PTPRE: variants seen among roughly 807,000 people sequenced by gnomAD.
PTPRE encodes receptor-type tyrosine-protein phosphatase epsilon.
Under a neutral mutation model 102.0 loss-of-function variants are expected in PTPRE, and 51 were observed. The observed-to-expected ratio is 0.50, with a 90% confidence interval of 0.40 to 0.63. The LOEUF (loss-of-function observed/expected upper bound fraction) is 0.63. Ranked by LOEUF, PTPRE falls within the 30% of genes least tolerant of loss-of-function variation. PTPRE has a pLI of 0.00. For missense variants in PTPRE, 752 were observed against 915.1 expected (o/e 0.82, Z 2.30); for synonymous variants, 345 against 348.2 (o/e 0.99, Z 0.10).
In PTPRE at chr10:127,907,356, T is replaced by G. The variant is rs1589700174; in HGVS notation, c.-31+47T>G. 2.0e-6 allele frequency: 2 copies of G among 983,478 alleles called. No homozygotes were observed. The highest frequency in any genetic ancestry group is 3.5e-5 in the African/African-American group (2 of 56,856). 60.9% of individuals were successfully genotyped at this position (983,478 alleles called of 1,614,324 possible). On this transcript the variant is annotated intron_variant, in intron 1 of 20. Transcript: ENST00000254667. This position sits in a 1 kb window ranked among gnomAD's most constrained non-coding sequence, Gnocchi z 4.8. ...GACCCTGCGCCCCTGTGGGGAACTG[T>G]GCACCCCGGGAGGCCCAAGCAGGCC...
intron 2 of PTPRE, among the ~76,000 whole-genome samples, chr10:128,034,996 G>A (rs1847093243): frequency 6.6e-6 from 1 of 152,064 alleles, no homozygotes; most frequent in Non-Finnish European, 1.5e-5. Flanking sequence ...TGTTGTTGTT[G>A]TTGTTGACAC....
chr10:128,082,736 C>G lies in PTPRE; in HGVS notation c.2029-96C>G, dbSNP rs1851833488. 3 of 1,370,968 alleles carry G rather than the reference C, an allele frequency of 2.2e-6. No individual in the cohort carries two copies. In the African/African-American group the frequency reaches 4.5e-5, roughly 21 times the overall value. The allele number at this position is 1,370,968 out of a possible 1,614,324, so 84.9% of individuals were successfully genotyped here. A position where few individuals can be genotyped will look rare whatever the true frequency, so the allele number is the denominator to read the frequency against. On this transcript the variant is annotated intron_variant, in intron 20 of 20. Transcript: ENST00000254667. Reference sequence around the variant, plus strand: ...GGTATATGGTATTTTAATGAATAGTCACACTTATTTATGTCTTGTTTTTGA... The same window carrying G: ...GGTATATGGTATTTTAATGAATAGTGACACTTATTTATGTCTTGTTTTTGA...
chr10:128,079,468 A>T, intron 19 of PTPRE, 92 bp from the exon 20 acceptor site: 1 of 1,463,668 alleles, frequency 6.8e-7, no homozygotes. Flanking sequence ...TTGTTGCTTC[A>T]GTGCTGATAT....
chr10:128,053,906 G>A lies in PTPRE; in HGVS notation c.421-2217G>A, dbSNP rs148094191. Among the ~76,000 whole-genome samples, 397 of 152,020 alleles carry A rather than the reference G, an allele frequency of 2.6e-3. 2 individuals are homozygous for A. The highest frequency in any genetic ancestry group is 8.3e-3 in the African/African-American group (343 of 41,448). On this transcript the variant is annotated intron_variant, in intron 6 of 20. Coordinates refer to ENST00000254667, the MANE Select transcript of PTPRE (RefSeq NM_006504.6). ...CTCCCAAGTAGCTGAGATTACAGGCGCCCACCACCATGCCCAGCTAATTTT... is the reference window on the plus strand; with the variant it reads ...CTCCCAAGTAGCTGAGATTACAGGCACCCACCACCATGCCCAGCTAATTTT...
intron 2 of PTPRE, among the ~76,000 whole-genome samples, chr10:128,019,636 T>TCCA (rs879279484): frequency 0.011 from 1,623 of 150,198 alleles, 34 homozygotes; most frequent in African/African-American, 0.038. Flanking sequence ...TGTCAGCCCA[T>TCCA]TCATTCATTC....
chr10:128,030,889 A>G (rs536243663), intron 2 of PTPRE, among the ~76,000 whole-genome samples: 71 of 152,254 alleles, frequency 4.7e-4, no homozygotes, highest in Non-Finnish European at 8.2e-4. Flanking sequence ...AGACCCCTCT[A>G]GACAGGGGCA....
intron 2 of PTPRE, among the ~76,000 whole-genome samples, chr10:128,038,599 T>C (rs890719077): frequency 2.2e-5 from 3 of 138,180 alleles, no homozygotes; most frequent in Admixed American, 8.1e-5. Flanking sequence ...TAGGTGGGAA[T>C]TGAACAATGA....
intron 1 of PTPRE, among the ~76,000 whole-genome samples, chr10:127,976,002 C>T (rs554678790): frequency 7.2e-5 from 11 of 151,992 alleles, no homozygotes; most frequent in South Asian, 2.1e-4. Context: ...GGGTGCTTGG[C>T]GGGGAGTCTG....
At chr10:127,919,543 G>A (rs1297175716) in intron 1 of PTPRE, among the ~76,000 whole-genome samples, 8 of 152,182 alleles carry the variant, frequency 5.3e-5, no homozygotes, top group Non-Finnish European at 2.9e-5. Flanking sequence ...CCTGCAACAC[G>A]GCTTATGGTG....
chr10:128,068,543 G>A (rs1383568491), intron 12 of PTPRE: 1 of 335,782 alleles, frequency 3.0e-6, no homozygotes, highest in Non-Finnish European at 5.4e-6. Context: ...TGGAGTTCTG[G>A]GCAGGTCTGC....
chr10:127,915,013 G>A (rs1393456446), intron 1 of PTPRE, among the ~76,000 whole-genome samples: 1 of 152,176 alleles, frequency 6.6e-6, no homozygotes, highest in African/African-American at 2.4e-5. Flanking sequence ...TAAAAAGCCT[G>A]AATATTGTGG....
intron 1 of PTPRE, among the ~76,000 whole-genome samples, chr10:127,936,759 G>A (rs118064087): frequency 5.9e-4 from 90 of 152,288 alleles, no homozygotes; most frequent in Non-Finnish European, 1.2e-3. Context: ...TGGAGAGGCT[G>A]AAACCCGGGG....
intron 2 of PTPRE, among the ~76,000 whole-genome samples, chr10:128,037,228 A>G (rs554306293): frequency 6.6e-6 from 1 of 152,232 alleles, no homozygotes; most frequent in African/African-American, 2.4e-5. Context: ...CTCCTCACTC[A>G]TCTTCTCTCA....
At chr10:128,079,485 G>T in intron 19 of PTPRE, 75 bp from the exon 20 acceptor site, 1 of 1,547,978 alleles carries the variant, frequency 6.5e-7, no homozygotes, top group East Asian at 2.3e-5. Flanking sequence ...ATATGCAGGG[G>T]TTGGCTGTCA....
chr10:128,012,253 A>G (rs548881963), intron 2 of PTPRE, among the ~76,000 whole-genome samples: 1 of 152,278 alleles, frequency 6.6e-6, no homozygotes, highest in African/African-American at 2.4e-5. Flanking sequence ...GAGCCTCCCA[A>G]TGCAACTCAC....
At chr10:128,075,416 T>C (rs911927416) in intron 17 of PTPRE, among the ~76,000 whole-genome samples, 2 of 152,178 alleles carry the variant, frequency 1.3e-5, no homozygotes, top group African/African-American at 4.8e-5. Context: ...GCATTAGCTA[T>C]TTGTCCTAAT....
At chr10:128,056,520 G>C (rs1848975912) in intron 7 of PTPRE, among the ~76,000 whole-genome samples, 1 of 152,160 alleles carries the variant, frequency 6.6e-6, no homozygotes, top group Non-Finnish European at 1.5e-5. Context: ...CAGCTGGCAG[G>C]GCCCCTCCTG....
chr10:128,047,103 A>G (rs1033741935), intron 3 of PTPRE, among the ~76,000 whole-genome samples: 1 of 152,334 alleles, frequency 6.6e-6, no homozygotes, highest in East Asian at 1.9e-4. Flanking sequence ...AGAGCCAGGC[A>G]GCCAGGCCGT....
intron 10 of PTPRE, among the ~76,000 whole-genome samples, chr10:128,064,646 C>A (rs1849902185): frequency 6.6e-6 from 1 of 152,256 alleles, no homozygotes; most frequent in Non-Finnish European, 1.5e-5. Context: ...CTCTTTCAGT[C>A]ATTCTGCTGA....
Sources: allele counts gnomAD v4.1 joint callset (sites outside exome capture counted in the v4.1 genomes callset), GRCh38; gene constraint gnomAD v4.1.1; non-coding constraint Gnocchi (gnomAD v3.1); transcripts MANE v1.5; gene names NCBI Gene and HGNC (gene_info 2026-07-23, HGNC 2026-07-21).